Variants in JAK2 observed in about 807,000 individuals in gnomAD.
JAK2 encodes the protein tyrosine-protein kinase JAK2.
In JAK2, 86 loss-of-function variants were observed where a neutral mutation model predicts 139.3. The observed-to-expected ratio is 0.62, with a 90% CI of 0.52 to 0.74. JAK2 has a LOEUF of 0.74. Among genes scored for constraint, JAK2 ranks in the 30% least tolerant of loss-of-function variants. The pLI, the probability that JAK2 is intolerant of heterozygous loss-of-function variation, is 0.00. For missense variants in JAK2, 1,421 were observed against 1,360.3 expected, an observed-to-expected ratio of 1.04 and a Z score of -0.70; for synonymous variants, 490 against 437.7, an observed-to-expected ratio of 1.12 and a Z score of -1.49.
rs540144509 is a variant in JAK2, at chr9:5,028,217, C to CA, written c.227-1564dup. On this transcript the variant is annotated intron_variant, in intron 3 of 24. Transcript: ENST00000381652. ...GATGTTGTGTTAGCAGGCATGAAAACAACATGAAATTCAATGTACATCTTC... is the reference window on the plus strand; with the variant it reads ...GATGTTGTGTTAGCAGGCATGAAAACAAACATGAAATTCAATGTACATCTTC... Among the ~76,000 whole-genome samples the CA allele has an allele frequency of 7.7e-4, 117 of 152,304 alleles. 1 individual carries two copies. The highest frequency in any genetic ancestry group is 3.1e-4 in the Non-Finnish European group (21 of 68,012).
intron 24 of JAK2, 32 bp from the exon 25 acceptor site, chr9:5,126,652 C>G (rs373518918): frequency 1.2e-4 from 169 of 1,447,118 alleles, no homozygotes; most frequent in Non-Finnish European, 1.4e-4. Context: ...CCTTAGTGTT[C>G]ATTTAATTTT....
chr9:4,992,041 C>T (rs1820287028), intron 2 of JAK2, among the ~76,000 whole-genome samples: 2 of 152,130 alleles, frequency 1.3e-5, no homozygotes, highest in Admixed American at 1.3e-4. Context: ...TGAGACAGGG[C>T]ACACCAGGGA....
chr9:5,122,233 A>G (rs936491375), intron 22 of JAK2, among the ~76,000 whole-genome samples: 2 of 152,094 alleles, frequency 1.3e-5, no homozygotes, highest in Non-Finnish European at 1.5e-5. Flanking sequence ...ATAAAGATAA[A>G]CTTAGCAATG....
intron 2 of JAK2, among the ~76,000 whole-genome samples, chr9:5,003,402 G>C (rs1821052542): frequency 6.6e-6 from 1 of 151,862 alleles, no homozygotes; most frequent in African/African-American, 2.4e-5. Flanking sequence ...TTGTAGAAAT[G>C]TTTTACAGTT....
intron 2 of JAK2, among the ~76,000 whole-genome samples, chr9:4,997,132 G>A (rs1463137905): frequency 2.0e-5 from 3 of 151,594 alleles, no homozygotes; most frequent in South Asian, 2.1e-4. Flanking sequence ...GGGTTTCACC[G>A]TGTCACTCAG....
intron 22 of JAK2, among the ~76,000 whole-genome samples, chr9:5,093,977 T>C (rs142372965): frequency 2.6e-3 from 394 of 152,252 alleles, no homozygotes; most frequent in African/African-American, 9.3e-3. Context: ...CCATAAATGA[T>C]GCTATCTCAA....
At chr9:5,070,309 A>T (rs1206614585) in intron 12 of JAK2, among the ~76,000 whole-genome samples, 1 of 152,140 alleles carries the variant, frequency 6.6e-6, no homozygotes, top group African/African-American at 2.4e-5. Context: ...TCAAATTAAA[A>T]ATTAAAAATC....
At chr9:5,085,672 G>T (rs897793822) in intron 19 of JAK2, 3 of 731,082 alleles carry the variant, frequency 4.1e-6, no homozygotes, top group Non-Finnish European at 7.6e-6. Context: ...TTTCGAGAAC[G>T]TGCATTATCA....
intron 4 of JAK2, among the ~76,000 whole-genome samples, chr9:5,042,304 A>ATT (rs1045425007): frequency 2.0e-5 from 3 of 150,998 alleles, no homozygotes; most frequent in Non-Finnish European, 4.4e-5. Flanking sequence ...CGCCCGGCTA[A>ATT]TTTTTTGTAT....
chr9:4,994,549 T>G (rs1265616190), intron 2 of JAK2, among the ~76,000 whole-genome samples: 1 of 152,248 alleles, frequency 6.6e-6, no homozygotes, highest in Non-Finnish European at 1.5e-5. Flanking sequence ...TTAAGGATCA[T>G]AAATAAAATA....
At chr9:5,072,356 T>C (rs964584102) in intron 12 of JAK2, 136 bp from the exon 13 acceptor site, 18 of 566,584 alleles carry the variant, frequency 3.2e-5, no homozygotes, top group Non-Finnish European at 5.0e-5. Flanking sequence ...TTTGGAGTCT[T>C]AAATCTGGAT....
chr9:5,057,899 A>G (rs181204407), intron 8 of JAK2, among the ~76,000 whole-genome samples: 62 of 152,086 alleles, frequency 4.1e-4, no homozygotes, highest in African/African-American at 1.3e-3. Context: ...TTCTTATTCT[A>G]TGAATTTGAC....
At chr9:5,082,090 A>T (rs1386569076) in intron 19 of JAK2, among the ~76,000 whole-genome samples, 1 of 152,166 alleles carries the variant, frequency 6.6e-6, no homozygotes, top group East Asian at 1.9e-4. Context: ...GTGGGACCAG[A>T]GACTGAGAAA....
At chr9:5,116,120 T>C (rs1260614008) in intron 22 of JAK2, among the ~76,000 whole-genome samples, 1 of 152,194 alleles carries the variant, frequency 6.6e-6, no homozygotes, top group Admixed American at 6.5e-5. Flanking sequence ...ATGCATTTTA[T>C]GGATAATCTC....
chr9:5,078,496 G>T, intron 16 of JAK2, 52 bp downstream of exon 16: 2 of 1,379,302 alleles, frequency 1.5e-6, no homozygotes, highest in South Asian at 1.4e-5. Context: ...CTTGGGCAGT[G>T]GTGTAAAGGG....
intron 5 of JAK2, among the ~76,000 whole-genome samples, chr9:5,047,777 G>T (rs781459443): frequency 2.0e-5 from 3 of 151,860 alleles, no homozygotes; most frequent in Non-Finnish European, 2.9e-5. Flanking sequence ...TTTAGTTTTG[G>T]TTTTGTGGAG....
intron 2 of JAK2, among the ~76,000 whole-genome samples, chr9:5,020,486 G>A (rs534738763): frequency 6.6e-6 from 1 of 152,266 alleles, no homozygotes; most frequent in African/African-American, 2.4e-5. Flanking sequence ...GTTCAGGTGG[G>A]GGCAGCAGTG....
chr9:5,034,639 C>T (rs1823435099), intron 4 of JAK2, among the ~76,000 whole-genome samples: 1 of 151,984 alleles, frequency 6.6e-6, no homozygotes, highest in Non-Finnish European at 1.5e-5. Flanking sequence ...TGAATGACTA[C>T]TGGGTACATA....
chr9:5,041,014 C>G (rs1816458701), intron 4 of JAK2: 1 of 663,174 alleles, frequency 1.5e-6, no homozygotes, highest in Non-Finnish European at 2.8e-6. Context: ...GACCCCGCAG[C>G]TGCACCTGGG....
Sources: gnomAD v4.1 joint callset for allele counts (sites outside exome capture counted in the v4.1 genomes callset) on GRCh38, gnomAD v4.1.1 for gene constraint, MANE v1.5 for transcripts, NCBI Gene and HGNC (gene_info 2026-07-23, HGNC 2026-07-21) for gene names.